The following AKAP7 variants were observed in gnomAD, a reference collection of about 807,000 sequenced individuals.
AKAP7 encodes the protein A kinase (PRKA) anchor protein 7.
AKAP7 carries 39 observed loss-of-function variants against 39.5 expected under a neutral mutation model. That is an observed-to-expected ratio of 0.99 (90% CI 0.76 to 1.29). The LOEUF is 1.29. AKAP7 is among the 50% of genes most tolerant of loss of function. The pLI is 0.00. For missense variants in AKAP7, 414 were observed against 407.7 expected, an observed-to-expected ratio of 1.02 and a Z score of -0.13; for synonymous variants, 140 against 139.1, an observed-to-expected ratio of 1.01 and a Z score of -0.05.
At chr6:131,155,416 C>G (rs1802332137) in intron 2 of AKAP7, among the ~76,000 whole-genome samples, 1 of 152,182 alleles carries the variant, frequency 6.6e-6, no homozygotes, top group Non-Finnish European at 1.5e-5. Flanking sequence ...GGCTTCAGGT[C>G]TTATTACTCT....
At chr6:131,216,206 TAAA>T (rs1197845498) in intron 6 of AKAP7, among the ~76,000 whole-genome samples, 2 of 152,238 alleles carry the variant, frequency 1.3e-5, no homozygotes, top group Non-Finnish European at 2.9e-5. Context: ...TTTAGAATCT[TAAA>T]TGATTTTCAC....
At chr6:131,245,242 T>TC (rs1811900772) in intron 7 of AKAP7, among the ~76,000 whole-genome samples, 1 of 151,090 alleles carries the variant, frequency 6.6e-6, no homozygotes, top group Admixed American at 6.6e-5. Context: ...AGAGTTGAAT[T>TC]CTTTTTTTTT....
At chr6:131,254,980 T>A (rs1471440620) in intron 7 of AKAP7, among the ~76,000 whole-genome samples, 1 of 152,186 alleles carries the variant, frequency 6.6e-6, no homozygotes, top group African/African-American at 2.4e-5. Flanking sequence ...ATTTAATGTC[T>A]GGTGAATACA....
chr6:131,230,175 G>A (rs1810518103), intron 7 of AKAP7, among the ~76,000 whole-genome samples: 1 of 152,188 alleles, frequency 6.6e-6, no homozygotes, highest in Admixed American at 6.5e-5. Flanking sequence ...TCTCCAAACT[G>A]CTTTCCACAG....
At chr6:131,261,975 C>A (rs934250486) in intron 7 of AKAP7, among the ~76,000 whole-genome samples, 7 of 152,062 alleles carry the variant, frequency 4.6e-5, no homozygotes, top group Non-Finnish European at 8.8e-5. Context: ...GTGGGAAGGA[C>A]CCCCACATAG....
chr6:131,254,909 G>A (rs1812724305), intron 7 of AKAP7, among the ~76,000 whole-genome samples: 1 of 152,144 alleles, frequency 6.6e-6, no homozygotes, highest in Non-Finnish European at 1.5e-5. Context: ...ATAAATATGA[G>A]TCAAATGTTG....
chr6:131,256,543 G>T (rs1157883035), intron 7 of AKAP7, among the ~76,000 whole-genome samples: 1 of 152,078 alleles, frequency 6.6e-6, no homozygotes, highest in Non-Finnish European at 1.5e-5. Flanking sequence ...TAGAGCCATT[G>T]ACTGCCATGA....
intron 5 of AKAP7, among the ~76,000 whole-genome samples, chr6:131,169,953 T>G (rs1803871887): frequency 6.6e-6 from 1 of 152,072 alleles, no homozygotes; most frequent in South Asian, 2.1e-4. Context: ...TTCTATCTAT[T>G]ATTCCTTCTT....
chr6:131,264,247 G>C lies in AKAP7; in HGVS notation c.851-17283G>C, dbSNP rs191923687. The stretch of plus-strand genomic sequence containing the variant: ...TGTGCTTAACATGTGTTCTCAGGTA[G>C]ATAGTACTTGGAAAGTTGCATATAA... On this transcript the variant is annotated intron_variant, in intron 7 of 7. Coordinates refer to ENST00000431975, the MANE Select transcript of AKAP7 (RefSeq NM_016377.4). Among the ~76,000 whole-genome samples the C allele has an allele frequency of 1.3e-4, 20 of 152,286 alleles. No individual in the cohort carries two copies. The East Asian group carries it at 3.7e-3, about 28-fold the overall frequency.
In AKAP7 at chr6:131,174,081, T is replaced by C. The variant is rs543724095; in HGVS notation, c.589+4808T>C. On this transcript the variant is annotated intron_variant, in intron 5 of 7. Coordinates refer to ENST00000431975, the MANE Select transcript of AKAP7 (RefSeq NM_016377.4). The stretch of plus-strand genomic sequence containing the variant: ...AGGTACTGTTGATTAAAAATACTTA[T>C]GTTTTTCAAAAGTTTCAACAAAACA... Among the ~76,000 whole-genome samples, 15 of 152,346 alleles carry C rather than the reference T, an allele frequency of 9.8e-5. 1 individual carries two copies. In the East Asian group the frequency reaches 2.3e-3, roughly 23 times the overall value.
At chr6:131,247,301 A>T (rs368648564) in intron 7 of AKAP7, among the ~76,000 whole-genome samples, 5 of 52,988 alleles carry the variant, frequency 9.4e-5, no homozygotes, top group African/African-American at 2.2e-4. Context: ...ATATATATAT[A>T]TATATATATA....
chr6:131,250,385 C>G (rs80124499), intron 7 of AKAP7: 3 of 1,434,198 alleles, frequency 2.1e-6, no homozygotes, highest in South Asian at 2.9e-5. Flanking sequence ...TTTTTGCTCA[C>G]GGCAGCAAGT....
chr6:131,261,966 T>G (rs922909202), intron 7 of AKAP7, among the ~76,000 whole-genome samples: 13 of 152,106 alleles, frequency 8.5e-5, no homozygotes, highest in Non-Finnish European at 1.9e-4. Flanking sequence ...GGGTTACTTG[T>G]GGGAAGGACC....
chr6:131,152,938 C>CT (rs1802060953), intron 2 of AKAP7, among the ~76,000 whole-genome samples: 1 of 151,320 alleles, frequency 6.6e-6, no homozygotes, highest in South Asian at 2.1e-4. Flanking sequence ...ACCATCCTGG[C>CT]TAACACGGTG....
rs1193777205 is a variant in AKAP7, at chr6:131,247,316, T to G, written c.850+27508T>G. Among the ~76,000 whole-genome samples, 267 of 118,140 alleles carry G rather than the reference T, an allele frequency of 2.3e-3. 2 individuals are homozygous for G. The highest frequency in any genetic ancestry group is 8.9e-3 in the African/African-American group (253 of 28,292). 77.5% of individuals were successfully genotyped at this position (118,140 alleles called of 152,430 possible). On this transcript the variant is annotated intron_variant, in intron 7 of 7. Coordinates refer to ENST00000431975, the MANE Select transcript of AKAP7 (RefSeq NM_016377.4). ...ATATATATATATATATATATATATG[T>G]TTTTTTTTTCTTTTTTTTTTTTTTT...
At chr6:131,252,605 A>G (rs1812529597) in intron 7 of AKAP7, among the ~76,000 whole-genome samples, 1 of 152,196 alleles carries the variant, frequency 6.6e-6, no homozygotes, top group Non-Finnish European at 1.5e-5. Flanking sequence ...ATAAGTGCCT[A>G]ACAGTACTTA....
chr6:131,146,429 G>A (rs568909433), intron 2 of AKAP7, among the ~76,000 whole-genome samples: 1 of 152,198 alleles, frequency 6.6e-6, no homozygotes, highest in African/African-American at 2.4e-5. Flanking sequence ...TCAACATAGG[G>A]AGACCCCCAT....
chr6:131,163,061 A>G (rs1803148295), intron 3 of AKAP7, among the ~76,000 whole-genome samples: 1 of 152,102 alleles, frequency 6.6e-6, no homozygotes, highest in Non-Finnish European at 1.5e-5. Context: ...TGTCATTCCA[A>G]GTTATAACCA....
chr6:131,148,015 C>T (rs1329513588), intron 2 of AKAP7, among the ~76,000 whole-genome samples: 2 of 152,116 alleles, frequency 1.3e-5, no homozygotes, highest in Admixed American at 1.3e-4. Flanking sequence ...CCATTGGGAC[C>T]AGAAAGAAGG....
Sources: allele counts gnomAD v4.1 joint callset (sites outside exome capture counted in the v4.1 genomes callset), GRCh38; gene constraint gnomAD v4.1.1; transcripts MANE v1.5; gene names NCBI Gene and HGNC (gene_info 2026-07-23, HGNC 2026-07-21).